Variants in E2F1 observed in about 807,000 individuals in gnomAD.
E2F1 encodes the protein E2F transcription factor 1, also known as transcription factor E2F1.
In E2F1, 7 loss-of-function variants were observed where a neutral mutation model predicts 36.9. The ratio of observed to expected loss-of-function variants is 0.19; its 90% CI spans 0.11 to 0.36. The LOEUF (loss-of-function observed/expected upper bound fraction) is 0.36. E2F1 is among the 10% of genes least tolerant of loss of function. The pLI is 1.00. For synonymous variants in E2F1, 261 were observed against 263.1 expected, an observed-to-expected ratio of 0.99 and a Z score of 0.08; for missense variants, 406 against 573.6, an observed-to-expected ratio of 0.71 and a Z score of 2.99.
At position 33,680,319 on chromosome 20, in the gene E2F1, T is replaced by A. The variant is rs745964648; in HGVS notation, c.352+7A>T. 5 of 1,613,878 alleles carry A rather than the reference T, an allele frequency of 3.1e-6. No individual in the cohort carries two copies. In the Admixed American group the frequency reaches 6.7e-5, roughly 22 times the overall value. On this transcript the variant is annotated splice_region_variant and intron_variant, in intron 2 of 6. Transcript: ENST00000343380. ...GGGGGTCTGCCCAGCCCAAGCTCCA[T>A]AGGTACCTTTTCCTGGATGGCGGCC...
intron 4 of E2F1, 54 bp downstream of exon 4, chr20:33,678,147 G>C: frequency 6.4e-7 from 1 of 1,560,546 alleles, no homozygotes; most frequent in South Asian, 1.2e-5. Context: ...CACTTGGGTG[G>C]AGCCCCTGCC....
chr20:33,683,673 T>G (rs759313908), intron 1 of E2F1, among the ~76,000 whole-genome samples: 20 of 151,536 alleles, frequency 1.3e-4, no homozygotes, highest in Non-Finnish European at 2.8e-4. Context: ...CTCGGGAGGC[T>G]GAGGCACAGA....
chr20:33,684,724 G>C (rs1042433540), intron 1 of E2F1, among the ~76,000 whole-genome samples: 1 of 152,204 alleles, frequency 6.6e-6, no homozygotes, highest in African/African-American at 2.4e-5. Context: ...GCATTGTGGT[G>C]ATTCCGGAAG....
chr20:33,679,613 C>A lies in E2F1; in HGVS notation c.572+142G>T. ...TTGTGTGCTTTTTACCATCTATCATCTCAGGGAAGCTACCTCTCCTCTCTG... is the reference window on the plus strand; with the variant it reads ...TTGTGTGCTTTTTACCATCTATCATATCAGGGAAGCTACCTCTCCTCTCTG... On this transcript the variant is annotated intron_variant, in intron 3 of 6. Coordinates refer to ENST00000343380, the MANE Select transcript of E2F1 (RefSeq NM_005225.3). This position sits in a 1 kb window ranked among gnomAD's most constrained non-coding sequence, Gnocchi z 4.6. 1.4e-6 allele frequency: 1 copy of A among 723,782 alleles called. No homozygotes were observed. 44.8% of individuals were successfully genotyped at this position (723,782 alleles called of 1,614,324 possible).
intron 3 of E2F1, 97 bp from the exon 4 acceptor site, chr20:33,678,450 CT>C (rs1414871403): frequency 6.8e-7 from 1 of 1,462,444 alleles, no homozygotes; most frequent in African/African-American, 1.4e-5. Flanking sequence ...TGCCTCTGTT[CT>C]GTGAGGCCTA....
Position 33,678,210 on chromosome 20 carries a change from T to G in E2F1, c.716A>C (p.Asp239Ala). Reference protein sequence around the residue: ...TQLRLLSEDTDSQRLAYVTCQ... With the variant: ...TQLRLLSEDTASQRLAYVTCQ... Reference sequence around the variant, plus strand: ...GCCAATCCAAGGATATCGCTGGCTGTCAGTGTCCTCGGAGAGCAGGCGCAG... The same window carrying G: ...GCCAATCCAAGGATATCGCTGGCTGGCAGTGTCCTCGGAGAGCAGGCGCAG... Residue 239 changes from aspartate (D) to alanine (A), a missense_variant, in exon 4 of 7, where the codon GAC becomes GCC. Asp to Ala is a moderately radical substitution (Grantham distance 126, BLOSUM62 -2). Transcript: ENST00000343380. 6.2e-7 allele frequency: 1 copy of G among 1,612,510 alleles called. No individual in the cohort carries two copies. The highest frequency in any genetic ancestry group is 8.5e-7 in the Non-Finnish European group (1 of 1,178,854).
Position 33,678,248 on chromosome 20 carries a change from G to A in E2F1, c.678C>T (p.Ile226=). ...AGAGCAGGCGCAGCTGCGTAGTACAGATATTCATCAGGTGGTCCAGCTGCT... is the reference window on the plus strand; with the variant it reads ...AGAGCAGGCGCAGCTGCGTAGTACAAATATTCATCAGGTGGTCCAGCTGCT... The part of the protein sequence containing the change: ...SEQQLDHLMN[I]CTTQLRLLSE... Residue 226 remains isoleucine (I), a synonymous_variant, in exon 4 of 7, where the codon ATC becomes ATT. Coordinates refer to ENST00000343380, the MANE Select transcript of E2F1 (RefSeq NM_005225.3). 6.2e-7 allele frequency: 1 copy of A among 1,613,874 alleles called. No individual in the cohort carries two copies. Among genetic ancestry groups the A allele is most frequent in the Non-Finnish European group, 8.5e-7 (1 of 1,180,032 alleles).
At chr20:33,682,167 CT>C (rs2018024063) in intron 1 of E2F1, among the ~76,000 whole-genome samples, 1 of 152,170 alleles carries the variant, frequency 6.6e-6, no homozygotes, top group Non-Finnish European at 1.5e-5. Flanking sequence ...GTCTGAATCA[CT>C]TGAGAATCTA....
intron 2 of E2F1, 81 bp downstream of exon 2, chr20:33,680,245 C>T (rs1198668572): frequency 2.0e-6 from 3 of 1,463,542 alleles, no homozygotes; most frequent in East Asian, 2.3e-5. Context: ...CAGACGTTAG[C>T]TTGCAAGCAT....
At position 33,676,573 on chromosome 20, in the gene E2F1, C is replaced by T. The variant is rs968675854; in HGVS notation, c.*159G>A. On this transcript the variant is annotated 3_prime_UTR_variant, in exon 7 of 7. Coordinates refer to ENST00000343380, the MANE Select transcript of E2F1 (RefSeq NM_005225.3). The stretch of plus-strand genomic sequence containing the variant: ...CTTCCTGGCTTGCTCAGCCTCCTAG[C>T]GGTAGCCAGACCCCAGAGCTAGAAG... The T allele has an allele frequency of 3.2e-5, 36 of 1,124,910 alleles. No homozygotes were observed. Among genetic ancestry groups the T allele is most frequent in the South Asian group, 2.4e-4 (13 of 54,526 alleles). The allele number at this position is 1,124,910 out of a possible 1,614,324, so 69.7% of individuals were successfully genotyped here.
chr20:33,686,107 G>T lies in E2F1; in HGVS notation c.158C>A (p.Ala53Glu). Residue 53 changes from alanine (A) to glutamate (E), a missense_variant, in exon 1 of 7, where the codon GCG becomes GAG. Transcript: ENST00000343380. ...SAPPAPTGPA[A>E]PAAGPCDPDL... ...AGGGTCGCAGGGGCCGGCGGCGGGC[G>T]CCGCGGGGCCGGTGGGAGCCGGCGG... 1 of 1,075,038 alleles carries T rather than the reference G, an allele frequency of 9.3e-7. No homozygotes were observed. The highest frequency in any genetic ancestry group is 1.1e-6 in the Non-Finnish European group (1 of 889,924). 66.6% of individuals were successfully genotyped at this position (1,075,038 alleles called of 1,614,324 possible). A position where few individuals can be genotyped will look rare whatever the true frequency, so the allele number is the denominator to read the frequency against.
At chr20:33,681,046 T>C (rs906245630) in intron 1 of E2F1, among the ~76,000 whole-genome samples, 1 of 152,160 alleles carries the variant, frequency 6.6e-6, no homozygotes, top group Non-Finnish European at 1.5e-5. Context: ...GCACTATTTT[T>C]TTTTCTTTTT....
chr20:33,677,024 G>T (rs755659970), intron 6 of E2F1, 45 bp from the exon 7 acceptor site: 1 of 1,559,584 alleles, frequency 6.4e-7, no homozygotes, highest in East Asian at 2.3e-5. Context: ...CCCCAGCAGG[G>T]AGGAAGGCAG....
At chr20:33,678,081 G>A (rs987731215) in intron 4 of E2F1, 120 bp downstream of exon 4, 3 of 1,218,508 alleles carry the variant, frequency 2.5e-6, no homozygotes, top group South Asian at 1.7e-5. Flanking sequence ...AAAATGCTGA[G>A]CCAGGACTTG....
At position 33,679,013 on chromosome 20, in the gene E2F1, G is replaced by T. The variant is rs1392346161; in HGVS notation, c.573-660C>A. Among the ~76,000 whole-genome samples, 1 of 152,188 alleles carries T rather than the reference G, an allele frequency of 6.6e-6. No individual in the cohort carries two copies. The highest frequency in any genetic ancestry group is 1.5e-5 in the Non-Finnish European group (1 of 68,038). On this transcript the variant is annotated intron_variant, in intron 3 of 6. Transcript: ENST00000343380. The surrounding 1 kb of genome is among the most constrained non-coding windows in gnomAD (Gnocchi z 4.6). ...CGATCTACCAAAAAATGAAACGGCA[G>T]GTGTATCAAAGAAAGGGTAGTAGCA... is the stretch of plus-strand genomic sequence containing the variant.
chr20:33,684,245 C>A (rs1166976982), intron 1 of E2F1, among the ~76,000 whole-genome samples: 1 of 152,216 alleles, frequency 6.6e-6, no homozygotes, highest in Non-Finnish European at 1.5e-5. Flanking sequence ...TCTTTGAGGA[C>A]AAGACCCTCA....
Position 33,676,724 on chromosome 20 carries a change from A to G in E2F1, c.*8T>C, listed in dbSNP as rs767689297. 2.4e-5 allele frequency: 39 copies of G among 1,604,816 alleles called. No individual in the cohort carries two copies. Among genetic ancestry groups the G allele is most frequent in the Non-Finnish European group, 6.8e-6 (8 of 1,175,754 alleles). ...CATCTCTGGAAACCCTGGTCCCTCC[A>G]AGCCCTGTCAGAAATCCAGGGGGGT... On this transcript the variant is annotated 3_prime_UTR_variant, in exon 7 of 7. Transcript: ENST00000343380.
Position 33,677,207 on chromosome 20 carries a change from TCTC to T in E2F1, c.961_963del (p.Glu321del), listed in dbSNP as rs776058128. On this transcript the variant is annotated inframe_deletion, in exon 6 of 7. Transcript: ENST00000343380. ...ATGGTGGCAGAGTCAGTGGCCCTGTTCTCCTCCTCAGAAGTGACCTCCTGGGAT... is the reference window on the plus strand; with the variant it reads ...ATGGTGGCAGAGTCAGTGGCCCTGTTCTCCTCAGAAGTGACCTCCTGGGAT... 22 of 1,614,056 alleles carry T rather than the reference TCTC, an allele frequency of 1.4e-5. No individual in the cohort carries two copies. The highest frequency in any genetic ancestry group is 6.7e-5 in the African/African-American group (5 of 74,998).
chr20:33,677,990 A>T (rs2017980915), intron 4 of E2F1, among the ~76,000 whole-genome samples: 1 of 152,204 alleles, frequency 6.6e-6, no homozygotes, highest in Admixed American at 6.5e-5. Context: ...ACAATTTCAG[A>T]ATTGGATATT....
Sources: gnomAD v4.1 joint callset for allele counts (sites outside exome capture counted in the v4.1 genomes callset) on GRCh38, gnomAD v4.1.1 for gene constraint, Gnocchi (gnomAD v3.1) non-coding constraint, MANE v1.5 for transcripts, NCBI Gene and HGNC (gene_info 2026-07-23, HGNC 2026-07-21) for gene names.